CYP3A43: variants seen among roughly 807,000 people sequenced by gnomAD.
CYP3A43 encodes the protein cytochrome P450 family 3 subfamily A member 43, also known as cytochrome P450 3A43.
A neutral mutation model predicts 58.0 loss-of-function variants in CYP3A43; 45 were observed. That is an observed-to-expected ratio of 0.78 (90% confidence interval 0.61 to 0.99). The LOEUF is 0.99. Ranked by LOEUF, CYP3A43 falls within the 50% of genes least tolerant of loss-of-function variation. CYP3A43 has a pLI of 0.00. For missense variants in CYP3A43, 593 were observed against 591.9 expected (o/e 1.00, Z -0.02); for synonymous variants, 191 against 201.4 (o/e 0.95, Z 0.44).
chr7:99,851,343 T>C (rs1817753100), intron 7 of CYP3A43, among the ~76,000 whole-genome samples: 1 of 152,212 alleles, frequency 6.6e-6, no homozygotes, highest in Non-Finnish European at 1.5e-5. Flanking sequence ...GGAGGCGTTT[T>C]ATAGTAGTAA....
intron 7 of CYP3A43, among the ~76,000 whole-genome samples, chr7:99,854,931 C>G (rs1817914488): frequency 6.6e-6 from 1 of 151,344 alleles, no homozygotes; most frequent in Non-Finnish European, 1.5e-5. Flanking sequence ...GTCACTCAGG[C>G]TGGAGTACAG....
intron 2 of CYP3A43, 128 bp from the exon 3 acceptor site, chr7:99,838,992 T>C: frequency 9.3e-7 from 1 of 1,071,808 alleles, no homozygotes; most frequent in Non-Finnish European, 1.4e-6. Context: ...AGATTCCCTC[T>C]AACTGCCAGT....
At chr7:99,836,381 G>A in intron 1 of CYP3A43, 72 bp from the exon 2 acceptor site, 1 of 1,204,924 alleles carries the variant, frequency 8.3e-7, no homozygotes, top group Non-Finnish European at 1.2e-6. Flanking sequence ...CAGTTCCTGA[G>A]GTAATGTCTG....
At chr7:99,854,790 C>A (rs1817906636) in intron 7 of CYP3A43, among the ~76,000 whole-genome samples, 1 of 152,086 alleles carries the variant, frequency 6.6e-6, no homozygotes, top group Non-Finnish European at 1.5e-5. Context: ...TTCTAATTGT[C>A]CTTTTGCTTT....
intron 5 of CYP3A43, 108 bp downstream of exon 5, chr7:99,847,709 C>T (rs1817590197): frequency 6.5e-7 from 1 of 1,546,986 alleles, no homozygotes; most frequent in African/African-American, 1.4e-5. Flanking sequence ...TGAGTTTGAG[C>T]TTTCTAAAAA....
intron 10 of CYP3A43, 78 bp from the exon 11 acceptor site, chr7:99,861,535 C>A (rs1358556850): frequency 2.4e-6 from 3 of 1,267,672 alleles, no homozygotes; most frequent in Admixed American, 4.1e-5. Flanking sequence ...GCTCCTAACA[C>A]TTCAATAGTA....
At chr7:99,850,875 T>A (rs1161439443) in intron 7 of CYP3A43, among the ~76,000 whole-genome samples, 1 of 152,178 alleles carries the variant, frequency 6.6e-6, no homozygotes. Context: ...TGTATAGATA[T>A]GCTGCATTTT....
intron 1 of CYP3A43, among the ~76,000 whole-genome samples, chr7:99,835,158 CT>C (rs1232853705): frequency 6.6e-6 from 1 of 152,174 alleles, no homozygotes; most frequent in African/African-American, 2.4e-5. Context: ...ATAGTGCTGT[CT>C]GTCCTGTAGA....
At chr7:99,856,416 C>G (rs574105286) in intron 8 of CYP3A43, among the ~76,000 whole-genome samples, 1 of 152,224 alleles carries the variant, frequency 6.6e-6, no homozygotes, top group South Asian at 2.1e-4. Flanking sequence ...AATCAGCTCC[C>G]CTGGGATTAT....
chr7:99,828,183 A>G lies in CYP3A43; in HGVS notation c.68A>G (p.Tyr23Cys), dbSNP rs377124793. 87 of 1,608,618 alleles carry G rather than the reference A, an allele frequency of 5.4e-5. No homozygotes were observed. The highest frequency in any genetic ancestry group is 7.1e-5 in the Non-Finnish European group (84 of 1,176,876). ...VLVATSLVLL[Y>C]IYGTHSHKLF... ...GTGGCTACCAGCCTGGTACTCCTCT[A>G]TATGTGAGTAACTATGCAGGCATGT... is the stretch of plus-strand genomic sequence containing the variant. Residue 23 changes from tyrosine to cysteine, a missense_variant, in exon 1 of 13, where the codon TAT becomes TGT. Coordinates refer to ENST00000354829, the MANE Select transcript of CYP3A43 (RefSeq NM_057095.3).
At chr7:99,865,858 T>G (rs1563075009) in intron 12 of CYP3A43, 48 bp from the exon 13 acceptor site, 4 of 1,387,390 alleles carry the variant, frequency 2.9e-6, no homozygotes, top group Non-Finnish European at 4.0e-6. Flanking sequence ...TTCTATCTTT[T>G]CTTCATTTGC....
At chr7:99,856,807 A>G (rs952447859) in intron 8 of CYP3A43, 26 bp from the exon 9 acceptor site, 1 of 1,613,754 alleles carries the variant, frequency 6.2e-7, no homozygotes, top group Non-Finnish European at 8.5e-7. Context: ...ACTTTCTGTC[A>G]TTAAAATTTC....
At chr7:99,852,537 G>T (rs753973892) in intron 7 of CYP3A43, among the ~76,000 whole-genome samples, 2 of 152,084 alleles carry the variant, frequency 1.3e-5, no homozygotes, top group Non-Finnish European at 2.9e-5. Context: ...CCTGATAAGT[G>T]TATCACTAAT....
At chr7:99,844,612 T>C (rs1817470573) in intron 4 of CYP3A43, among the ~76,000 whole-genome samples, 2 of 152,242 alleles carry the variant, frequency 1.3e-5, no homozygotes, top group Non-Finnish European at 2.9e-5. Context: ...GTTGTTACTA[T>C]GTGTAGCTTG....
rs757598831 is a variant in CYP3A43, at chr7:99,836,498, T to C, written c.117T>C (p.Pro39=). 1.9e-6 allele frequency: 3 copies of C among 1,609,966 alleles called. No individual in the cohort carries two copies. Among genetic ancestry groups the C allele is most frequent in the Admixed American group, 1.7e-5 (1 of 59,064 alleles). The change falls in exon 2 of 13, where the codon CCT becomes CCC. Residue 39 remains proline (P), a synonymous_variant. Transcript: ENST00000354829. ...SHKLFKKLGI[P]GPTPLPFLGT... is the part of the protein sequence containing the mutation. Reference sequence around the variant, plus strand: ...AACTTTTTAAGAAGCTGGGAATTCCTGGGCCAACCCCTCTGCCTTTTCTGG... The same window carrying C: ...AACTTTTTAAGAAGCTGGGAATTCCCGGGCCAACCCCTCTGCCTTTTCTGG...
chr7:99,848,083 AT>A, intron 5 of CYP3A43, 82 bp from the exon 6 acceptor site: 1 of 1,348,462 alleles, frequency 7.4e-7, no homozygotes, highest in Admixed American at 1.9e-5. Context: ...ACAAAATATC[AT>A]TTACTGTTCC....
At position 99,865,956 on chromosome 7, in the gene CYP3A43, T is replaced by C. The variant is rs1818431428; in HGVS notation, c.1467T>C (p.Ile489=). The C allele has an allele frequency of 6.2e-7, 1 of 1,608,410 alleles. No individual in the cohort carries two copies. The highest frequency in any genetic ancestry group is 1.7e-5 in the Admixed American group (1 of 59,242). Residue 489 remains isoleucine, a synonymous_variant, in exon 13 of 13, where the codon ATT becomes ATC. Transcript: ENST00000354829. The stretch of plus-strand genomic sequence containing the variant: ...CAATTCTTCAACCAGAAAAACCTAT[T>C]GTTCTAAAAGTGCACTTAAGAGATG... The part of the protein sequence containing the change: ...NLPILQPEKP[I]VLKVHLRDGI...
At chr7:99,856,751 G>C in intron 8 of CYP3A43, 82 bp from the exon 9 acceptor site, 1 of 1,382,028 alleles carries the variant, frequency 7.2e-7, no homozygotes. Flanking sequence ...TTCTCAGGAG[G>C]GGTGCTTAGG....
Position 99,863,674 on chromosome 7 carries a change from C to T in CYP3A43, c.1391C>T (p.Ser464Phe). The change falls in exon 12 of 13, where the codon TCC (serine) becomes TTC (phenylalanine). Residue 464 changes from serine (S) to phenylalanine (F), a missense_variant. By Grantham distance (155) the Ser-to-Phe change is radical. Coordinates refer to ENST00000354829, the MANE Select transcript of CYP3A43 (RefSeq NM_057095.3). Reference sequence around the variant, plus strand: ...GTCATTAGAGCACTGCAGAACTTCTCCTTCAAACCTTGTAAAGAGACTCAG... The same window carrying T: ...GTCATTAGAGCACTGCAGAACTTCTTCTTCAAACCTTGTAAAGAGACTCAG... ...LAVIRALQNF[S>F]FKPCKETQIP... 6 of 1,606,926 alleles carry T rather than the reference C, an allele frequency of 3.7e-6. No individual in the cohort carries two copies. Among genetic ancestry groups the T allele is most frequent in the Non-Finnish European group, 5.1e-6 (6 of 1,177,412 alleles).
Sources: allele counts gnomAD v4.1 joint callset (sites outside exome capture counted in the v4.1 genomes callset), GRCh38; gene constraint gnomAD v4.1.1; transcripts MANE v1.5; gene names NCBI Gene and HGNC (gene_info 2026-07-23, HGNC 2026-07-21).